The following DGKI variants were observed in gnomAD, a reference collection of about 807,000 sequenced individuals.
DGKI encodes the protein DAG kinase iota.
A neutral mutation model predicts 147.5 loss-of-function variants in DGKI; 55 were observed. That is an observed-to-expected ratio of 0.37 (90% CI 0.30 to 0.47). DGKI has a LOEUF of 0.47. DGKI is among the 20% of genes least tolerant of loss of function. DGKI has a pLI of 1.00. For missense variants in DGKI, 1,007 were observed against 1,323.8 expected (o/e 0.76, Z 3.71); for synonymous variants, 469 against 477.1 (o/e 0.98, Z 0.22).
chr7:137,422,595 C>CTTTTTTTTTTTTTT lies in DGKI; in HGVS notation c.2762-10402_2762-10389dup, dbSNP rs60494368. Reference sequence around the variant, plus strand: ...TTGTAAAGCATTTTCTTTTTCTTTTCTTTTTTTTTTTTTTTTTTTTTTTTT... The same window carrying CTTTTTTTTTTTTTT: ...TTGTAAAGCATTTTCTTTTTCTTTTCTTTTTTTTTTTTTTTTTTTTTTTTTTTTTTTTTTTTTTT... On this transcript the variant is annotated intron_variant, in intron 28 of 32. Transcript: ENST00000614521. 1.4e-3 allele frequency among the ~76,000 whole-genome samples: 84 copies of CTTTTTTTTTTTTTT among 61,992 alleles called. 10 individuals carry two copies. Among genetic ancestry groups the CTTTTTTTTTTTTTT allele is most frequent in the African/African-American group, 2.9e-3 (45 of 15,406 alleles). 40.7% of individuals were successfully genotyped at this position (61,992 alleles called of 152,430 possible). A position where few individuals can be genotyped will look rare whatever the true frequency, so the allele number is the denominator to read the frequency against.
At chr7:137,491,111 T>C (rs1585165875) in intron 21 of DGKI, among the ~76,000 whole-genome samples, 1 of 152,134 alleles carries the variant, frequency 6.6e-6, no homozygotes, top group African/African-American at 2.4e-5. Context: ...CTAGTGGGTA[T>C]AGACATGAAC....
chr7:137,574,007 T>A (rs975169289), intron 17 of DGKI, among the ~76,000 whole-genome samples: 1 of 152,224 alleles, frequency 6.6e-6, no homozygotes, highest in Non-Finnish European at 1.5e-5. Context: ...TATCACAGGA[T>A]TTCCCCATTA....
chr7:137,476,457 A>G (rs182465443), intron 23 of DGKI, among the ~76,000 whole-genome samples: 2 of 152,290 alleles, frequency 1.3e-5, no homozygotes, highest in Admixed American at 1.3e-4. Flanking sequence ...TCTACTGAAT[A>G]ATTTATACTT....
At chr7:137,704,148 T>C (rs752847219) in intron 1 of DGKI, among the ~76,000 whole-genome samples, 14 of 152,056 alleles carry the variant, frequency 9.2e-5, no homozygotes, top group Non-Finnish European at 1.9e-4. Context: ...CAGGCGGAGG[T>C]TGCAGTGAGC....
At chr7:137,839,740 T>C (rs937472807) in intron 1 of DGKI, among the ~76,000 whole-genome samples, 8 of 152,236 alleles carry the variant, frequency 5.3e-5, no homozygotes, top group Admixed American at 3.3e-4. Flanking sequence ...TCGAATGTTG[T>C]TCCCAACATC....
At chr7:137,788,296 T>C (rs868370398) in intron 1 of DGKI, among the ~76,000 whole-genome samples, 4 of 152,236 alleles carry the variant, frequency 2.6e-5, no homozygotes, top group African/African-American at 7.2e-5. Flanking sequence ...GGGGTTCATT[T>C]AAAACTCATC....
chr7:137,591,256 C>A (rs1189054649), intron 12 of DGKI, among the ~76,000 whole-genome samples: 1 of 152,228 alleles, frequency 6.6e-6, no homozygotes, highest in Non-Finnish European at 1.5e-5. Context: ...TAGATTCTTT[C>A]TCCTTTTTTC....
intron 3 of DGKI, 92 bp from the exon 4 acceptor site, chr7:137,656,632 C>G: frequency 9.0e-7 from 1 of 1,106,110 alleles, no homozygotes; most frequent in Non-Finnish European, 1.3e-6. Context: ...ATAATAAATA[C>G]ATAAATACAG....
chr7:137,547,987 C>A (rs926738360), intron 20 of DGKI, among the ~76,000 whole-genome samples: 1 of 152,048 alleles, frequency 6.6e-6, no homozygotes. Context: ...CCAGGAACAG[C>A]AATCTTCCCT....
At chr7:137,543,678 T>C (rs533673745) in intron 20 of DGKI, among the ~76,000 whole-genome samples, 1 of 152,240 alleles carries the variant, frequency 6.6e-6, no homozygotes, top group Admixed American at 6.5e-5. Context: ...GCTGATTAGA[T>C]AGCAACCCCC....
intron 13 of DGKI, among the ~76,000 whole-genome samples, chr7:137,586,674 A>G (rs10274702): frequency 0.048 from 7,322 of 152,106 alleles, 408 homozygotes; most frequent in African/African-American, 0.13. Flanking sequence ...ACAAAACAAA[A>G]TAAAATGCTA....
At chr7:137,721,600 C>A (rs2116617497) in intron 1 of DGKI, among the ~76,000 whole-genome samples, 1 of 152,290 alleles carries the variant, frequency 6.6e-6, no homozygotes, top group African/African-American at 2.4e-5. Flanking sequence ...CCAGCCCATC[C>A]TCTCATCCTC....
rs1231655249 is a variant in DGKI, at chr7:137,631,844, C to T, written c.805-8290G>A. Reference sequence around the variant, plus strand: ...CAGGCTAAAGCTGCTATATTAGGTACAGCTGAAAAGCCCATCAGCTGACTA... The same window carrying T: ...CAGGCTAAAGCTGCTATATTAGGTATAGCTGAAAAGCCCATCAGCTGACTA... On this transcript the variant is annotated intron_variant, in intron 6 of 32. Transcript: ENST00000614521. Among the ~76,000 whole-genome samples the T allele has an allele frequency of 2.0e-5, 3 of 152,172 alleles. No homozygotes were observed. The East Asian group carries it at 5.8e-4, about 29-fold the overall frequency.
At chr7:137,559,060 T>TTC (rs1230752430) in intron 19 of DGKI, among the ~76,000 whole-genome samples, 4 of 141,438 alleles carry the variant, frequency 2.8e-5, no homozygotes, top group Admixed American at 1.4e-4. Flanking sequence ...GTACCTACAA[T>TTC]TCTTTTTTTT....
chr7:137,733,103 A>G (rs945117646), intron 1 of DGKI, among the ~76,000 whole-genome samples: 1 of 151,938 alleles, frequency 6.6e-6, no homozygotes, highest in Non-Finnish European at 1.5e-5. Flanking sequence ...CATAAAATGT[A>G]TCATTTAAAC....
chr7:137,503,832 T>A (rs1348870811), intron 21 of DGKI, among the ~76,000 whole-genome samples: 2 of 152,156 alleles, frequency 1.3e-5, no homozygotes, highest in African/African-American at 4.8e-5. Context: ...CATCCTATAT[T>A]CACTCCTCTA....
chr7:137,842,290 T>A (rs112330775), intron 1 of DGKI, among the ~76,000 whole-genome samples: 1 of 152,340 alleles, frequency 6.6e-6, no homozygotes, highest in East Asian at 1.9e-4. Flanking sequence ...AATATCTTTC[T>A]TGTAATAACA....
rs1811130782 is a variant in DGKI at position 137,384,476 on chromosome 7, T to C, written c.*6744A>G. The C allele has an allele frequency of 6.6e-6, 1 of 152,008 alleles. No homozygotes were observed. The highest frequency in any genetic ancestry group is 1.5e-5 in the Non-Finnish European group (1 of 67,964). The allele number at this position is 152,008 out of a possible 1,614,324, so 9.4% of individuals were successfully genotyped here. A position where few individuals can be genotyped will look rare whatever the true frequency, so the allele number is the denominator to read the frequency against. The stretch of plus-strand genomic sequence containing the variant: ...TATAAAACATCCTTGAAGGCAATGA[T>C]GGAAAATGACTTACTTAGAAAACAT... On this transcript the variant is annotated 3_prime_UTR_variant, in exon 33 of 33. Coordinates refer to ENST00000614521, the MANE Select transcript of DGKI (RefSeq NM_001321708.2).
chr7:137,498,595 C>A (rs1179742023), intron 21 of DGKI, among the ~76,000 whole-genome samples: 1 of 152,072 alleles, frequency 6.6e-6, no homozygotes, highest in East Asian at 1.9e-4. Flanking sequence ...TTGAACTTCT[C>A]AAAGGCAACC....
Sources: allele counts gnomAD v4.1 joint callset (sites outside exome capture counted in the v4.1 genomes callset), GRCh38; gene constraint gnomAD v4.1.1; transcripts MANE v1.5; gene names NCBI Gene and HGNC (gene_info 2026-07-23, HGNC 2026-07-21).